The following DST variants were observed in gnomAD, a reference collection of about 807,000 sequenced individuals.
The protein encoded by DST is dystonin, also known as bullous pemphigoid antigen.
A neutral mutation model predicts 875.2 loss-of-function variants in DST; 253 were observed. The ratio of observed to expected loss-of-function variants is 0.29; its 90% confidence interval spans 0.26 to 0.32. The LOEUF (loss-of-function observed/expected upper bound fraction) is 0.32. Among genes scored for constraint, DST ranks in the 10% least tolerant of loss-of-function variants. DST has a pLI of 1.00. For synonymous variants in DST, 3,124 were observed against 3,197.1 expected, an observed-to-expected ratio of 0.98 and a Z score of 0.77; for missense variants, 8,287 against 9,111.6, an observed-to-expected ratio of 0.91 and a Z score of 3.68.
chr6:56,787,680 A>G (rs1427828041), intron 4 of DST, among the ~76,000 whole-genome samples: 1 of 152,252 alleles, frequency 6.6e-6, no homozygotes, highest in Non-Finnish European at 1.5e-5. Flanking sequence ...TGAGTGATTA[A>G]TAACCAAATA....
intron 5 of DST, among the ~76,000 whole-genome samples, chr6:56,722,362 A>ATGTTTGTTTGTTTGTTTGTTTGTT (rs34299400): frequency 1.4e-5 from 2 of 146,380 alleles, no homozygotes; most frequent in African/African-American, 5.3e-5. Flanking sequence ...AAAGTAGTAC[A>ATGTTTGTTTGTTTGTTTGTTTGTT]TGTTTGTTTA....
chr6:56,473,596 C>T (rs962205574), intron 93 of DST, among the ~76,000 whole-genome samples: 3 of 152,052 alleles, frequency 2.0e-5, no homozygotes, highest in Non-Finnish European at 4.4e-5. Flanking sequence ...GTGATGATTT[C>T]CATTCTTACT....
intron 4 of DST, chr6:56,785,629 C>G (rs373823344): frequency 7.9e-5 from 12 of 152,346 alleles, no homozygotes; most frequent in Admixed American, 3.3e-4. Context: ...CTTTCCTTGA[C>G]CAGGAAAGGG....
At chr6:56,856,633 C>T (rs1767995315) in intron 3 of DST, among the ~76,000 whole-genome samples, 1 of 152,114 alleles carries the variant, frequency 6.6e-6, no homozygotes, top group Admixed American at 6.6e-5. Flanking sequence ...TTTAAAAGGA[C>T]AAAAGAGACA....
chr6:56,898,912 A>G (rs1027139443), intron 3 of DST, among the ~76,000 whole-genome samples: 1 of 152,192 alleles, frequency 6.6e-6, no homozygotes, highest in Non-Finnish European at 1.5e-5. Context: ...GCTTGTTTTC[A>G]TGTCTGTTGA....
At chr6:56,497,341 T>G in intron 82 of DST, 38 bp downstream of exon 82, 5 of 1,600,028 alleles carry the variant, frequency 3.1e-6, no homozygotes, top group Non-Finnish European at 4.3e-6. Flanking sequence ...GTCAGTTTGT[T>G]ATTCTGAGGC....
At chr6:56,940,227 C>T in intron 2 of DST, among the ~76,000 whole-genome samples, 1 of 141,256 alleles carries the variant, frequency 7.1e-6, no homozygotes, top group South Asian at 2.1e-4. Flanking sequence ...CACACACACA[C>T]ACACACACAT....
At chr6:56,832,389 T>C (rs963273727) in intron 4 of DST, among the ~76,000 whole-genome samples, 1 of 151,896 alleles carries the variant, frequency 6.6e-6, no homozygotes, top group Non-Finnish European at 1.5e-5. Flanking sequence ...AAAACAGGAG[T>C]TCCCCTGCAC....
intron 3 of DST, 72 bp from the exon 4 acceptor site, chr6:56,851,676 CCCA>C: frequency 6.4e-7 from 1 of 1,559,638 alleles, no homozygotes; most frequent in Non-Finnish European, 8.7e-7. Flanking sequence ...AAACATCTCC[CCCA>C]CCAACCACCG....
chr6:56,736,266 A>G (rs1197787265), intron 4 of DST, among the ~76,000 whole-genome samples: 2 of 152,160 alleles, frequency 1.3e-5, no homozygotes, highest in Non-Finnish European at 2.9e-5. Context: ...TACTGTGGAC[A>G]GTGATCCTGC....
chr6:56,479,527 G>A (rs956280710), intron 90 of DST, among the ~76,000 whole-genome samples: 1 of 82,336 alleles, frequency 1.2e-5, no homozygotes, highest in East Asian at 3.2e-4. Flanking sequence ...ACCAATATAA[G>A]TGTCCATCAA....
intron 4 of DST, among the ~76,000 whole-genome samples, chr6:56,784,193 A>G (rs2099700229): frequency 6.6e-6 from 1 of 152,036 alleles, no homozygotes; most frequent in Non-Finnish European, 1.5e-5. Flanking sequence ...GAATGTGACA[A>G]TTACGTGTCT....
At chr6:56,808,784 T>C (rs1043240420) in intron 4 of DST, among the ~76,000 whole-genome samples, 13 of 152,232 alleles carry the variant, frequency 8.5e-5, no homozygotes, top group Non-Finnish European at 1.6e-4. Flanking sequence ...ACTTTTATAA[T>C]CAGCAGATGG....
chr6:56,756,182 C>T (rs1439549048), intron 4 of DST, among the ~76,000 whole-genome samples: 1 of 152,148 alleles, frequency 6.6e-6, no homozygotes, highest in African/African-American at 2.4e-5. Flanking sequence ...TATCTGGTAC[C>T]GTGTAAAGGA....
Position 56,501,330 on chromosome 6 carries a change from A to G in DST, c.19741-95T>C, listed in dbSNP as rs369522970. ...GACAAAAATAATTGTTTCATGTTGT[A>G]TAAGTCCATAAACGTATCCAGTGAA... On this transcript the variant is annotated intron_variant, in intron 79 of 103. Coordinates refer to ENST00000680361, the MANE Select transcript of DST (RefSeq NM_001374736.1). 8.1e-5 allele frequency: 110 copies of G among 1,357,554 alleles called. No individual in the cohort carries two copies. The East Asian group carries it at 1.7e-3, about 20-fold the overall frequency. 84.1% of individuals were successfully genotyped at this position (1,357,554 alleles called of 1,614,324 possible). A position where few individuals can be genotyped will look rare whatever the true frequency, so the allele number is the denominator to read the frequency against.
intron 35 of DST, among the ~76,000 whole-genome samples, 198 bp downstream of exon 35, chr6:56,624,958 GA>G (rs2098720821): frequency 6.6e-6 from 1 of 151,902 alleles, no homozygotes; most frequent in African/African-American, 2.4e-5. Context: ...TTGGGATGAC[GA>G]AAAGGTTCTG....
chr6:56,505,966 A>T (rs932777025), intron 77 of DST, among the ~76,000 whole-genome samples: 3 of 152,194 alleles, frequency 2.0e-5, no homozygotes, highest in Non-Finnish European at 2.9e-5. Flanking sequence ...CCTAATAGAA[A>T]TCTATTTTTG....
At chr6:56,562,291 T>C in intron 55 of DST, 91 bp from the exon 56 acceptor site, 2 of 544,340 alleles carry the variant, frequency 3.7e-6, no homozygotes, top group Non-Finnish European at 5.8e-6. Flanking sequence ...CCATCAACAG[T>C]AATCACACAT....
chr6:56,542,515 T>C (rs1269830262), intron 61 of DST: 1 of 150,066 alleles, frequency 6.7e-6, no homozygotes, highest in Non-Finnish European at 1.5e-5. Context: ...CCTGAGGCAA[T>C]TGCAGCAACG....
Sources: gnomAD v4.1 joint callset for allele counts (sites outside exome capture counted in the v4.1 genomes callset) on GRCh38, gnomAD v4.1.1 for gene constraint, MANE v1.5 for transcripts, NCBI Gene and HGNC (gene_info 2026-07-23, HGNC 2026-07-21) for gene names.